The following PLOD1 variants were observed in gnomAD, a reference collection of about 807,000 sequenced individuals.
PLOD1 encodes the protein lysine hydroxylase.
In PLOD1, 70 loss-of-function variants were observed where a neutral mutation model predicts 94.7. The ratio of observed to expected loss-of-function variants is 0.74; its 90% CI spans 0.61 to 0.90. The LOEUF is 0.90. PLOD1 is among the 40% of genes least tolerant of loss of function. The pLI, the probability that PLOD1 is intolerant of heterozygous loss-of-function variation, is 0.00. For missense variants in PLOD1, 905 were observed against 972.7 expected (o/e 0.93, Z 0.93); for synonymous variants, 417 against 400.2 (o/e 1.04, Z -0.50).
At chr1:11,955,517 C>T (rs889002799) in intron 6 of PLOD1, among the ~76,000 whole-genome samples, 4 of 152,186 alleles carry the variant, frequency 2.6e-5, no homozygotes, top group African/African-American at 9.7e-5. Flanking sequence ...ATGAAAGCTA[C>T]GGCTCTGCTC....
chr1:11,950,259 T>C, intron 3 of PLOD1, 98 bp from the exon 4 acceptor site: 1 of 1,213,098 alleles, frequency 8.2e-7, no homozygotes. Context: ...CAGAGGGCCA[T>C]TTGTGGAGCA....
In PLOD1 at chr1:11,974,714, C is replaced by G; in HGVS notation, c.2090C>G (p.Thr697Ser). ...CSIRAPRKGW[T>S]LMHPGRLTHY... ...ATCCGAGCCCCAAGGAAGGGCTGGACCCTCATGCACCCTGGACGACTCACG... is the reference window on the plus strand; with the variant it reads ...ATCCGAGCCCCAAGGAAGGGCTGGAGCCTCATGCACCCTGGACGACTCACG... The change falls in exon 19 of 19, where the codon ACC becomes AGC. Residue 697 changes from threonine (T) to serine (S), a missense_variant. Coordinates refer to ENST00000196061, the MANE Select transcript of PLOD1 (RefSeq NM_000302.4). 6.2e-7 allele frequency: 1 copy of G among 1,613,780 alleles called. No homozygotes were observed. The highest frequency in any genetic ancestry group is 8.5e-7 in the Non-Finnish European group (1 of 1,179,704).
chr1:11,972,653 C>A lies in PLOD1; in HGVS notation c.1903-219C>A. ...TTTCTTCCTTCCCCTCTGTTCTCTTCCTTCCCTCCCTCTCTCCCCTCTGTC... is the reference window on the plus strand; with the variant it reads ...TTTCTTCCTTCCCCTCTGTTCTCTTACTTCCCTCCCTCTCTCCCCTCTGTC... On this transcript the variant is annotated intron_variant, in intron 17 of 18. Transcript: ENST00000196061. The surrounding 1 kb of genome is among the most constrained non-coding windows in gnomAD (Gnocchi z 4.6). The A allele has an allele frequency of 2.1e-6, 1 of 469,708 alleles. No homozygotes were observed. 29.1% of individuals were successfully genotyped at this position (469,708 alleles called of 1,614,324 possible).
Position 11,966,265 on chromosome 1 carries a change from GTAC to G in PLOD1, c.1600_1602del (p.Tyr534del). 1.2e-6 allele frequency: 2 copies of G among 1,606,940 alleles called. No homozygotes were observed. The highest frequency in any genetic ancestry group is 2.2e-5 in the South Asian group (2 of 89,580). On this transcript the variant is annotated inframe_deletion, in exon 15 of 19. Coordinates refer to ENST00000196061, the MANE Select transcript of PLOD1 (RefSeq NM_000302.4). ...ACTTCCCACAGGACTGGAAGGAGAA[GTAC>G]ATCCACCAGAACTACACCAAAGCCC... is the stretch of plus-strand genomic sequence containing the variant.
chr1:11,944,303 G>C (rs959233697), intron 1 of PLOD1, among the ~76,000 whole-genome samples: 2 of 151,964 alleles, frequency 1.3e-5, no homozygotes, highest in African/African-American at 2.4e-5. Flanking sequence ...TGCTGTTATT[G>C]AGAAGCAGGA....
chr1:11,937,048 A>C (rs1441657811), intron 1 of PLOD1, among the ~76,000 whole-genome samples: 1 of 151,764 alleles, frequency 6.6e-6, no homozygotes, highest in Non-Finnish European at 1.5e-5. Context: ...GGGTTTCACC[A>C]TGTTGGTCAG....
intron 1 of PLOD1, among the ~76,000 whole-genome samples, chr1:11,938,804 TG>T (rs989105784): frequency 1.8e-4 from 27 of 152,058 alleles, no homozygotes; most frequent in African/African-American, 6.5e-4. Flanking sequence ...TTTTCACTTT[TG>T]GGGGCTCCCA....
intron 1 of PLOD1, among the ~76,000 whole-genome samples, chr1:11,946,104 C>T (rs192123276): frequency 1.4e-4 from 22 of 152,244 alleles, no homozygotes; most frequent in African/African-American, 5.1e-4. Context: ...GAAGTAGGTA[C>T]TATTATTATC....
At chr1:11,942,767 C>G (rs781516009) in intron 1 of PLOD1, among the ~76,000 whole-genome samples, 17 of 152,162 alleles carry the variant, frequency 1.1e-4, no homozygotes, top group Non-Finnish European at 2.2e-4. Context: ...CATCAGAAAT[C>G]ACCTGGGAAA....
At chr1:11,960,384 G>C (rs57286355) in intron 9 of PLOD1, among the ~76,000 whole-genome samples, 1 of 152,174 alleles carries the variant, frequency 6.6e-6, no homozygotes, top group Admixed American at 6.5e-5. Flanking sequence ...GATCCTGAGC[G>C]TGGTGGCGGA....
chr1:11,958,594 C>T lies in PLOD1; in HGVS notation c.922C>T (p.Leu308Phe), dbSNP rs1185823109. 5.0e-6 allele frequency: 8 copies of T among 1,614,042 alleles called. No individual in the cohort carries two copies. In the East Asian group the frequency reaches 1.8e-4, roughly 36 times the overall value. Residue 308 changes from leucine to phenylalanine, a missense_variant, in exon 9 of 19, where the codon CTC becomes TTC. Physicochemically the swap from Leu to Phe is conservative, Grantham distance 22. Transcript: ENST00000196061. The surrounding 1 kb of genome is among the most constrained non-coding windows in gnomAD (Gnocchi z 4.3). Reference sequence around the variant, plus strand: ...GTTTGTGTCCCTGTTCTTCCAGCGGCTCCTGCGGCTCCACTACCCCCAGAA... The same window carrying T: ...GTTTGTGTCCCTGTTCTTCCAGCGGTTCCTGCGGCTCCACTACCCCCAGAA... The part of the protein sequence containing the change: ...TPFVSLFFQR[L>F]LRLHYPQKHM...
intron 16 of PLOD1, among the ~76,000 whole-genome samples, chr1:11,969,433 A>G (rs1402436704): frequency 6.6e-6 from 1 of 152,136 alleles, no homozygotes; most frequent in East Asian, 1.9e-4. Flanking sequence ...CCTAATCCAC[A>G]TGCTTTGGTT....
chr1:11,954,923 C>T (rs1645727982), intron 6 of PLOD1, 30 bp downstream of exon 6: 1 of 1,537,994 alleles, frequency 6.5e-7, no homozygotes, highest in Admixed American at 1.7e-5. Context: ...AGGGGTGGAT[C>T]CTCAGAGGGG....
intron 3 of PLOD1, 61 bp from the exon 4 acceptor site, chr1:11,950,296 G>T (rs780821094): frequency 2.0e-6 from 3 of 1,521,926 alleles, no homozygotes; most frequent in Non-Finnish European, 2.7e-6. Context: ...TCCTGTCTGT[G>T]CCCTCACTGG....
intron 16 of PLOD1, 44 bp downstream of exon 16, chr1:11,967,135 C>G: frequency 7.8e-7 from 1 of 1,284,630 alleles, no homozygotes; most frequent in Non-Finnish European, 1.1e-6. Context: ...GAGGCTGCCT[C>G]TCCATCAGTG....
At chr1:11,961,440 G>C (rs1390549904) in intron 10 of PLOD1, among the ~76,000 whole-genome samples, 3 of 152,146 alleles carry the variant, frequency 2.0e-5, no homozygotes, top group Non-Finnish European at 4.4e-5. Context: ...AGAAGAGTCA[G>C]ACAGTCCAGA....
intron 1 of PLOD1, among the ~76,000 whole-genome samples, chr1:11,935,242 G>A (rs1031082921): frequency 2.6e-5 from 4 of 152,178 alleles, no homozygotes; most frequent in African/African-American, 9.7e-5. Context: ...TGAGGCTCCA[G>A]AGTTCATTCA....
rs764696832 is a variant in PLOD1 at position 11,963,196 on chromosome 1, G to A, written c.1098-336G>A. 1.3e-5 allele frequency among the ~76,000 whole-genome samples: 2 copies of A among 152,174 alleles called. No individual in the cohort carries two copies. The highest frequency in any genetic ancestry group is 4.8e-5 in the African/African-American group (2 of 41,438). ...AAACAAAAGTAACACAGATTTTTAA[G>A]GCTTTTGGTACAAGTTACCAAATTG... is the stretch of plus-strand genomic sequence containing the variant. On this transcript the variant is annotated intron_variant, in intron 10 of 18. Transcript: ENST00000196061. This position sits in a 1 kb window ranked among gnomAD's most constrained non-coding sequence, Gnocchi z 4.3.
rs746416126 is a variant in PLOD1, at chr1:11,954,875, A to G, written c.625A>G (p.Asn209Asp). Reference protein sequence around the residue: ...TLDHRCRIFQNLDGALDEVVL... With the variant: ...TLDHRCRIFQDLDGALDEVVL... ...GGACCACCGCTGCCGTATCTTCCAG[A>G]ACCTGGATGGAGCCTTGGGTGAGCA... is the stretch of plus-strand genomic sequence containing the variant. Residue 209 changes from asparagine (N) to aspartate (D), a missense_variant, in exon 6 of 19, where the codon AAC becomes GAC. Transcript: ENST00000196061. 2.5e-6 allele frequency: 4 copies of G among 1,613,370 alleles called. No homozygotes were observed. In the Admixed American group the frequency reaches 6.7e-5, roughly 27 times the overall value.
Sources: gnomAD v4.1 joint callset for allele counts (sites outside exome capture counted in the v4.1 genomes callset) on GRCh38, gnomAD v4.1.1 for gene constraint, Gnocchi (gnomAD v3.1) non-coding constraint, MANE v1.5 for transcripts, NCBI Gene and HGNC (gene_info 2026-07-23, HGNC 2026-07-21) for gene names.